The following SCUBE3 variants were observed in gnomAD, a reference collection of about 807,000 sequenced individuals.
SCUBE3 encodes the protein signal peptide, CUB domain and EGF like domain containing 3.
A neutral mutation model predicts 116.8 loss-of-function variants in SCUBE3; 33 were observed. That is an observed-to-expected ratio of 0.28 (90% CI 0.21 to 0.38). SCUBE3 has a LOEUF of 0.38. SCUBE3 is among the 10% of genes least tolerant of loss of function. SCUBE3 has a pLI of 1.00. For synonymous variants in SCUBE3, 418 were observed against 496.9 expected (o/e 0.84, Z 2.11); for missense variants, 1,007 against 1,324.8 (o/e 0.76, Z 3.72).
At chr6:35,217,212 G>A (rs1416121304) in intron 1 of SCUBE3, among the ~76,000 whole-genome samples, 2 of 67,920 alleles carry the variant, frequency 2.9e-5, no homozygotes, top group Non-Finnish European at 7.7e-5. Flanking sequence ...GTAAGGGGGT[G>A]GGTGTTTGGC....
chr6:35,231,068 C>T lies in SCUBE3; in HGVS notation c.335-657C>T, dbSNP rs958364114. 3.9e-5 allele frequency among the ~76,000 whole-genome samples: 6 copies of T among 152,066 alleles called. No homozygotes were observed. Among genetic ancestry groups the T allele is most frequent in the African/African-American group, 1.4e-4 (6 of 41,384 alleles). On this transcript the variant is annotated intron_variant, in intron 3 of 21. Coordinates refer to ENST00000274938, the MANE Select transcript of SCUBE3 (RefSeq NM_152753.4). The surrounding 1 kb of genome is among the most constrained non-coding windows in gnomAD (Gnocchi z 4.2). ...GCCTGGCAGCTCTCCCCAGATCCCT[C>T]CCCGCCAAGTTGTCAGACTTTGTTT...
At position 35,214,367 on chromosome 6, in the gene SCUBE3, TC is replaced by T. The variant is rs1445744714; in HGVS notation, c.-48del. On this transcript the variant is annotated 5_prime_UTR_variant, in exon 1 of 22. Transcript: ENST00000274938. The surrounding 1 kb of genome is among the most constrained non-coding windows in gnomAD (Gnocchi z 6.3). Reference sequence around the variant, plus strand: ...GCTGGGATCCGGCCGGCTTCCGCCCTCCCCTGGCCGCGAGACCGGCCCCGGC... The same window carrying T: ...GCTGGGATCCGGCCGGCTTCCGCCCTCCCTGGCCGCGAGACCGGCCCCGGC... 14 of 1,233,366 alleles carry T rather than the reference TC, an allele frequency of 1.1e-5. No homozygotes were observed. The highest frequency in any genetic ancestry group is 1.8e-5 in the South Asian group (1 of 55,460). The allele number at this position is 1,233,366 out of a possible 1,614,324, so 76.4% of individuals were successfully genotyped here.
intron 1 of SCUBE3, among the ~76,000 whole-genome samples, chr6:35,224,992 T>C (rs531213881): frequency 6.6e-6 from 1 of 152,350 alleles, no homozygotes; most frequent in African/African-American, 2.4e-5. Context: ...ACTAGCCACA[T>C]GTGGCTATTG....
intron 1 of SCUBE3, chr6:35,220,976 T>C: frequency 6.6e-6 from 1 of 152,194 alleles, no homozygotes; most frequent in East Asian, 1.9e-4. Flanking sequence ...GCTCTGCCAA[T>C]CTCCCTGGTT....
chr6:35,248,886 C>G lies in SCUBE3; in HGVS notation c.*181C>G. ...TTTCTAGTTTCCTTTCCTTGTCTCT[C>G]TCTGCCTGCCTCTCTACTGTTCCCC... is the stretch of plus-strand genomic sequence containing the variant. On this transcript the variant is annotated 3_prime_UTR_variant, in exon 22 of 22. Transcript: ENST00000274938. 1.7e-6 allele frequency: 1 copy of G among 600,712 alleles called. No individual in the cohort carries two copies. Among genetic ancestry groups the G allele is most frequent in the Non-Finnish European group, 2.9e-6 (1 of 340,410 alleles). The allele number at this position is 600,712 out of a possible 1,614,324, so 37.2% of individuals were successfully genotyped here. A position where few individuals can be genotyped will look rare whatever the true frequency, so the allele number is the denominator to read the frequency against.
chr6:35,248,539 C>G lies in SCUBE3; in HGVS notation c.2833-17C>G. The stretch of plus-strand genomic sequence containing the variant: ...CCCGACGGTGAGGCTGACATTGCTC[C>G]CTGCCATCCTTTGCAGGACAAGAAG... On this transcript the variant is annotated splice_polypyrimidine_tract_variant and intron_variant, in intron 21 of 21. Coordinates refer to ENST00000274938, the MANE Select transcript of SCUBE3 (RefSeq NM_152753.4). The G allele has an allele frequency of 1.2e-6, 2 of 1,613,656 alleles. No individual in the cohort carries two copies. Among genetic ancestry groups the G allele is most frequent in the Non-Finnish European group, 1.7e-6 (2 of 1,179,646 alleles).
At position 35,252,165 on chromosome 6, in the gene SCUBE3, T is replaced by A. The variant is rs930558350; in HGVS notation, c.*3460T>A. Reference sequence around the variant, plus strand: ...ACTTCTCTGCCTCCCTCTTTCTATATTATCAGGCCATGCCTATTCCTACAA... The same window carrying A: ...ACTTCTCTGCCTCCCTCTTTCTATAATATCAGGCCATGCCTATTCCTACAA... On this transcript the variant is annotated 3_prime_UTR_variant, in exon 22 of 22. Transcript: ENST00000274938. 1.3e-5 allele frequency: 2 copies of A among 152,270 alleles called. No homozygotes were observed. Among genetic ancestry groups the A allele is most frequent in the African/African-American group, 4.8e-5 (2 of 41,464 alleles). 9.4% of individuals were successfully genotyped at this position (152,270 alleles called of 1,614,324 possible). A position where few individuals can be genotyped will look rare whatever the true frequency, so the allele number is the denominator to read the frequency against.
chr6:35,226,528 G>A (rs866410860), intron 1 of SCUBE3, among the ~76,000 whole-genome samples: 34 of 114,978 alleles, frequency 3.0e-4, no homozygotes, highest in African/African-American at 9.0e-4. Context: ...TGTCGCCCAG[G>A]CTGGAGTGCA....
chr6:35,228,342 A>G lies in SCUBE3; in HGVS notation c.209-272A>G, dbSNP rs571471217. 3.3e-5 allele frequency among the ~76,000 whole-genome samples: 5 copies of G among 152,360 alleles called. No homozygotes were observed. The South Asian group carries it at 1.0e-3, about 32-fold the overall frequency. ...GAAGATGTTCTTTGATGCATTATCTATGATGGTAAAATAAATTAAAGAAAT... is the reference window on the plus strand; with the variant it reads ...GAAGATGTTCTTTGATGCATTATCTGTGATGGTAAAATAAATTAAAGAAAT... On this transcript the variant is annotated intron_variant, in intron 2 of 21. Coordinates refer to ENST00000274938, the MANE Select transcript of SCUBE3 (RefSeq NM_152753.4). This position sits in a 1 kb window ranked among gnomAD's most constrained non-coding sequence, Gnocchi z 4.9.
chr6:35,228,715 G>A lies in SCUBE3; in HGVS notation c.310G>A (p.Ala104Thr). ...TACCTGCTATGATGGATTCCACCTG[G>A]CACATGACGGACACAACTGTCTGGG... is the stretch of plus-strand genomic sequence containing the variant. ...RCTCYDGFHLAHDGHNCLDVD... is the reference protein window; with the variant it reads ...RCTCYDGFHLTHDGHNCLDVD... The change falls in exon 3 of 22, where the codon GCA becomes ACA. Residue 104 changes from alanine (A) to threonine (T), a missense_variant. By Grantham distance (58) the Ala-to-Thr change is moderately conservative. Coordinates refer to ENST00000274938, the MANE Select transcript of SCUBE3 (RefSeq NM_152753.4). This position sits in a 1 kb window ranked among gnomAD's most constrained non-coding sequence, Gnocchi z 4.9. The A allele has an allele frequency of 1.9e-6, 3 of 1,614,132 alleles. No homozygotes were observed. The highest frequency in any genetic ancestry group is 2.5e-6 in the Non-Finnish European group (3 of 1,179,966).
chr6:35,230,511 A>C (rs941109039), intron 3 of SCUBE3, among the ~76,000 whole-genome samples: 1 of 152,220 alleles, frequency 6.6e-6, no homozygotes, highest in Non-Finnish European at 1.5e-5. Flanking sequence ...AATTGGAGGA[A>C]AGAGCTTGGC....
intron 12 of SCUBE3, 120 bp from the exon 13 acceptor site, chr6:35,242,084 T>G (rs1023714035): frequency 1.1e-6 from 1 of 880,302 alleles, no homozygotes; most frequent in Non-Finnish European, 1.9e-6. Context: ...CCCTTGACTT[T>G]CATAATCTCA....
rs2150299117 is a variant in SCUBE3 at position 35,232,725 on chromosome 6, C to T, written c.470-125C>T. On this transcript the variant is annotated intron_variant, in intron 4 of 21. Transcript: ENST00000274938. This position sits in a 1 kb window ranked among gnomAD's most constrained non-coding sequence, Gnocchi z 4.2. ...GGCCTGGGACAAGGAGAGTCAGTCC[C>T]CTCGTGTTGAATTCAACCTCAGTAG... The T allele has an allele frequency of 1.1e-6, 1 of 909,626 alleles. No homozygotes were observed. The highest frequency in any genetic ancestry group is 1.6e-5 in the South Asian group (1 of 64,250). 56.3% of individuals were successfully genotyped at this position (909,626 alleles called of 1,614,324 possible).
rs1248772446 is a variant in SCUBE3 at position 35,227,824 on chromosome 6, G to A, written c.208+122G>A. 11 of 1,068,796 alleles carry A rather than the reference G, an allele frequency of 1.0e-5. No individual in the cohort carries two copies. The African/African-American group carries it at 1.1e-4, about 11-fold the overall frequency. 66.2% of individuals were successfully genotyped at this position (1,068,796 alleles called of 1,614,324 possible). ...AGAAATTCCACTGGTCAAGTGGTGG[G>A]GGGGTGGTGAGGGGGGCAACTGCAT... On this transcript the variant is annotated intron_variant, in intron 2 of 21. Coordinates refer to ENST00000274938, the MANE Select transcript of SCUBE3 (RefSeq NM_152753.4).
rs377636783 is a variant in SCUBE3, at chr6:35,242,183, G to C, written c.1418-21G>C. ...CTCCATGGGCATCCCATACTGTGCT[G>C]AGTTTCTACCATCCCTCTAGAGGCT... On this transcript the variant is annotated intron_variant, in intron 12 of 21. Transcript: ENST00000274938. 5.1e-5 allele frequency: 80 copies of C among 1,562,958 alleles called. No homozygotes were observed. In the Middle Eastern group the frequency reaches 1.0e-3, roughly 20 times the overall value.
chr6:35,233,285 C>A lies in SCUBE3; in HGVS notation c.696C>A (p.Asp232Glu). 1 of 1,604,036 alleles carries A rather than the reference C, an allele frequency of 6.2e-7. No homozygotes were observed. The highest frequency in any genetic ancestry group is 8.5e-7 in the Non-Finnish European group (1 of 1,172,482). The change falls in exon 6 of 22, where the codon GAC (aspartate) becomes GAA (glutamate). Residue 232 changes from aspartate (D) to glutamate (E), a missense_variant. By Grantham distance (45) the Asp-to-Glu change is conservative (BLOSUM62 2). This residue lies in a region of SCUBE3 where 214 missense variants were observed against 316.7 expected (regional missense o/e 0.68). Transcript: ENST00000274938. The surrounding 1 kb of genome is among the most constrained non-coding windows in gnomAD (Gnocchi z 5.7). ...ATATCAAGTTTGTGCTCCATACCGA[C>A]GGGAAGACATGCATCGGTGGGTGAG... ...GCHIKFVLHTDGKTCIETCAV... is the reference protein window; with the variant it reads ...GCHIKFVLHTEGKTCIETCAV...
chr6:35,242,490 C>A, intron 13 of SCUBE3, 132 bp from the exon 14 acceptor site: 1 of 959,166 alleles, frequency 1.0e-6, no homozygotes, highest in Non-Finnish European at 1.6e-6. Flanking sequence ...TCCCCTCCAC[C>A]AACTAATTAG....
At position 35,245,198 on chromosome 6, in the gene SCUBE3, C is replaced by T. The variant is rs374543802; in HGVS notation, c.2402-30C>T. 1.3e-4 allele frequency: 202 copies of T among 1,607,952 alleles called. No individual in the cohort carries two copies. In the African/African-American group the frequency reaches 2.4e-3, roughly 19 times the overall value. On this transcript the variant is annotated intron_variant, in intron 18 of 21. Transcript: ENST00000274938. This position sits in a 1 kb window ranked among gnomAD's most constrained non-coding sequence, Gnocchi z 4.2. Reference sequence around the variant, plus strand: ...TTCCCCACTGACTTCCCTTCTCTGTCTTGTTTTATCCACTGGGGTTTGGCT... The same window carrying T: ...TTCCCCACTGACTTCCCTTCTCTGTTTTGTTTTATCCACTGGGGTTTGGCT...
chr6:35,217,228 G>GA (rs1213724410), intron 1 of SCUBE3, among the ~76,000 whole-genome samples: 1 of 15,444 alleles, frequency 6.5e-5, no homozygotes, highest in African/African-American at 1.2e-4. Flanking sequence ...TTGGCGGGGG[G>GA]GGGGGGGGCG....
Sources: gnomAD v4.1 joint callset for allele counts (sites outside exome capture counted in the v4.1 genomes callset) on GRCh38, gnomAD v4.1.1 for gene constraint, gnomAD v4.1.1 regional missense constraint, Gnocchi (gnomAD v3.1) non-coding constraint, MANE v1.5 for transcripts, NCBI Gene and HGNC (gene_info 2026-07-23, HGNC 2026-07-21) for gene names.